The following PCDHA3 variants were observed in gnomAD, a reference collection of about 807,000 sequenced individuals.
The protein encoded by PCDHA3 is protocadherin alpha 3, also known as protocadherin alpha-3.
In PCDHA3, 41 loss-of-function variants were observed where a neutral mutation model predicts 62.2. The ratio of observed to expected loss-of-function variants is 0.66; its 90% CI spans 0.51 to 0.86. The LOEUF is 0.86. Among genes scored for constraint, PCDHA3 ranks in the 40% least tolerant of loss-of-function variants. PCDHA3 has a pLI of 0.00. For synonymous variants in PCDHA3, 640 were observed against 555.4 expected (o/e 1.15, Z -2.14); for missense variants, 1,304 against 1,241.2 (o/e 1.05, Z -0.76).
rs782070226 is a variant in PCDHA3 at position 141,010,142 on chromosome 5, C to G, written c.*205C>G. 1 of 1,588,326 alleles carries G rather than the reference C, an allele frequency of 6.3e-7. No homozygotes were observed. Among genetic ancestry groups the G allele is most frequent in the South Asian group, 1.1e-5 (1 of 88,492 alleles). On this transcript the variant is annotated 3_prime_UTR_variant, in exon 4 of 4. Transcript: ENST00000522353. ...TTACTAAGTCTGGTGTTAACTCTTTCTCTCCACTCTGGCTTGTTTTCAGAA... is the reference window on the plus strand; with the variant it reads ...TTACTAAGTCTGGTGTTAACTCTTTGTCTCCACTCTGGCTTGTTTTCAGAA...
rs1554122551 is a variant in PCDHA3, at chr5:140,803,051, G to A, written c.1854G>A (p.Ala618=). Residue 618 remains alanine, a synonymous_variant, in exon 1 of 4, where the codon GCG becomes GCA. Coordinates refer to ENST00000522353, the MANE Select transcript of PCDHA3 (RefSeq NM_018906.3). Reference sequence around the variant, plus strand: ...AGCTGCAGCCTGGGACCGGCGGTGCGCGCATCCCGTTTCGCGTGGGGCTGT... The same window carrying A: ...AGCTGCAGCCTGGGACCGGCGGTGCACGCATCCCGTTTCGCGTGGGGCTGT... ...SYELQPGTGG[A]RIPFRVGLYT... is the part of the protein sequence containing the mutation. 5 of 1,613,992 alleles carry A rather than the reference G, an allele frequency of 3.1e-6. No homozygotes were observed. The highest frequency in any genetic ancestry group is 4.2e-6 in the Non-Finnish European group (5 of 1,179,944).
chr5:140,806,437 C>T (rs1554123600), intron 1 of PCDHA3, among the ~76,000 whole-genome samples: 1 of 152,164 alleles, frequency 6.6e-6, no homozygotes. Context: ...AATGCTTTTC[C>T]ATGCAAGCTA....
intron 1 of PCDHA3, chr5:140,836,539 C>G (rs2150263250): frequency 6.2e-7 from 1 of 1,613,680 alleles, no homozygotes; most frequent in East Asian, 2.2e-5. Flanking sequence ...CTGCTGTACA[C>G]GGCGTTGCGG....
intron 1 of PCDHA3, chr5:140,861,473 T>A: frequency 2.0e-6 from 1 of 491,574 alleles, no homozygotes; most frequent in Non-Finnish European, 4.2e-6. Context: ...ATCTGCAGAA[T>A]GGCATTTTTG....
chr5:140,807,707 C>T (rs1562211808), intron 1 of PCDHA3: 1 of 1,614,116 alleles, frequency 6.2e-7, no homozygotes, highest in Non-Finnish European at 8.5e-7. Context: ...CAGACTGAGC[C>T]CAAATGAATA....
intron 1 of PCDHA3, among the ~76,000 whole-genome samples, chr5:140,838,075 ATAGTGTGTGTGTGTGTGTGTGTGTGTGT>A (rs1454166175): frequency 1.6e-5 from 2 of 128,136 alleles, no homozygotes; most frequent in Non-Finnish European, 3.3e-5. Flanking sequence ...TTATATATAT[ATAGTGTGTGTGTGTGTGTGTGTGTGTGT>A]GTGTGTGTGT....
chr5:140,874,868 T>C (rs1554167378), intron 1 of PCDHA3, among the ~76,000 whole-genome samples: 1 of 152,254 alleles, frequency 6.6e-6, no homozygotes, highest in Non-Finnish European at 1.5e-5. Flanking sequence ...TTATCCTTTG[T>C]TAAATACAAA....
At chr5:140,870,430 G>C (rs782773036) in intron 1 of PCDHA3, 6 of 1,614,226 alleles carry the variant, frequency 3.7e-6, no homozygotes, top group Non-Finnish European at 5.1e-6. Context: ...GGTATCCGTG[G>C]AGGTGGCCGA....
intron 1 of PCDHA3, chr5:140,857,735 G>T (rs782288464): frequency 6.3e-7 from 1 of 1,597,334 alleles, no homozygotes; most frequent in Non-Finnish European, 8.6e-7. Flanking sequence ...CAACGCTCCC[G>T]CGCTGCTGGC....
rs2150152042 is a variant in PCDHA3, at chr5:140,828,184, C to G, written c.2394+24593C>G. On this transcript the variant is annotated intron_variant, in intron 1 of 3. Transcript: ENST00000522353. ...CCTGGAAGGTGGGGAGCGGCCAGCT[C>G]CACTACTCCGTACCCGAGGAGGCCA... 6.4e-5 allele frequency: 104 copies of G among 1,614,162 alleles called. 2 individuals carry two copies. In the South Asian group the frequency reaches 1.1e-3, roughly 18 times the overall value.
rs148608291 is a variant in PCDHA3, at chr5:140,870,364, G to A, written c.2394+66773G>A. The stretch of plus-strand genomic sequence containing the variant: ...GGACCGCGAGAACGTGTGGGCCTAT[G>A]AACTGGTGGTGACTGCGCGGGATGG... On this transcript the variant is annotated intron_variant, in intron 1 of 3. Transcript: ENST00000522353. 1,110 of 1,614,212 alleles carry A rather than the reference G, an allele frequency of 6.9e-4. 2 individuals are homozygous for A. The highest frequency in any genetic ancestry group is 9.1e-4 in the Non-Finnish European group (1,069 of 1,180,030).
At chr5:140,917,301 G>T (rs2078005324) in intron 1 of PCDHA3, among the ~76,000 whole-genome samples, 1 of 138,576 alleles carries the variant, frequency 7.2e-6, no homozygotes, top group Non-Finnish European at 1.5e-5. Flanking sequence ...GCAGATAGTT[G>T]TTACAATTTG....
intron 1 of PCDHA3, among the ~76,000 whole-genome samples, chr5:140,939,940 C>G (rs1438905083): frequency 6.6e-6 from 1 of 152,140 alleles, no homozygotes; most frequent in Non-Finnish European, 1.5e-5. Context: ...TTATCAGTTA[C>G]TGAGAAAATT....
At chr5:140,868,631 TTCTC>T (rs1180172037) in intron 1 of PCDHA3, 2 of 154,616 alleles carry the variant, frequency 1.3e-5, no homozygotes, top group African/African-American at 4.8e-5. Flanking sequence ...TGAATTCTCT[TTCTC>T]TCTCACTCTG....
chr5:140,844,211 T>C (rs1162021656), intron 1 of PCDHA3, among the ~76,000 whole-genome samples: 1 of 149,836 alleles, frequency 6.7e-6, no homozygotes, highest in African/African-American at 2.4e-5. Flanking sequence ...TGTCTGGTAG[T>C]CACAAATATC....
intron 1 of PCDHA3, among the ~76,000 whole-genome samples, chr5:140,899,285 A>T (rs2067252506): frequency 6.6e-6 from 1 of 152,132 alleles, no homozygotes; most frequent in African/African-American, 2.4e-5. Context: ...CAAAGGGAAT[A>T]CTTCCAGTTT....
intron 1 of PCDHA3, among the ~76,000 whole-genome samples, chr5:140,881,608 C>T (rs1254695632): frequency 6.6e-6 from 1 of 152,154 alleles, no homozygotes; most frequent in Non-Finnish European, 1.5e-5. Flanking sequence ...ATATGATGTG[C>T]TTATTCAAAA....
chr5:140,871,137 T>C, intron 1 of PCDHA3: 1 of 1,613,416 alleles, frequency 6.2e-7, no homozygotes, highest in East Asian at 2.2e-5. Flanking sequence ...CAAAGGCCTC[T>C]TCCCGGACTT....
In PCDHA3 at chr5:140,853,662, T is replaced by C. The variant is rs1319921056; in HGVS notation, c.2394+50071T>C. The C allele has an allele frequency of 3.4e-5, 34 of 988,522 alleles. 1 individual carries two copies. In the African/African-American group the frequency reaches 3.9e-4, roughly 11 times the overall value. 61.2% of individuals were successfully genotyped at this position (988,522 alleles called of 1,614,324 possible). ...CTAAATTGAGCCTGTTCCAGACAAA[T>C]TGGGGCCTATGGTCAACCTATCCTT... On this transcript the variant is annotated intron_variant, in intron 1 of 3. Coordinates refer to ENST00000522353, the MANE Select transcript of PCDHA3 (RefSeq NM_018906.3).
Sources: allele counts gnomAD v4.1 joint callset (sites outside exome capture counted in the v4.1 genomes callset), GRCh38; gene constraint gnomAD v4.1.1; transcripts MANE v1.5; gene names NCBI Gene and HGNC (gene_info 2026-07-23, HGNC 2026-07-21).